The following PAFAH1B2 variants were observed in gnomAD, a reference collection of about 807,000 sequenced individuals.
PAFAH1B2 encodes the protein platelet activating factor acetylhydrolase 1b catalytic subunit 2.
In PAFAH1B2, 8 loss-of-function variants were observed where a neutral mutation model predicts 28.0. That is an observed-to-expected ratio of 0.29 (90% CI 0.17 to 0.52). The LOEUF is 0.52. Ranked by LOEUF, PAFAH1B2 falls within the 20% of genes least tolerant of loss-of-function variation. PAFAH1B2 has a pLI of 0.97. For synonymous variants in PAFAH1B2, 104 were observed against 103.2 expected, an observed-to-expected ratio of 1.01 and a Z score of -0.05; for missense variants, 190 against 282.6, an observed-to-expected ratio of 0.67 and a Z score of 2.35.
chr11:117,170,822 G>T lies in PAFAH1B2; in HGVS notation c.*3123G>T. The stretch of plus-strand genomic sequence containing the variant: ...GGAGCATGTCCAAGCTCCTAAATCC[G>T]TGTGGGTGCATGTGGGAGAAGTGAG... On this transcript the variant is annotated 3_prime_UTR_variant, in exon 6 of 6. Transcript: ENST00000527958. The T allele has an allele frequency of 9.4e-7, 1 of 1,059,696 alleles. No individual in the cohort carries two copies. Among genetic ancestry groups the T allele is most frequent in the Non-Finnish European group, 1.1e-6 (1 of 875,752 alleles). The allele number at this position is 1,059,696 out of a possible 1,614,324, so 65.6% of individuals were successfully genotyped here. A position where few individuals can be genotyped will look rare whatever the true frequency, so the allele number is the denominator to read the frequency against.
chr11:117,157,285 TGA>T (rs1025110604), intron 2 of PAFAH1B2, among the ~76,000 whole-genome samples: 1 of 148,418 alleles, frequency 6.7e-6, no homozygotes, highest in African/African-American at 2.5e-5. Flanking sequence ...AATAAATAAA[TGA>T]ATATATATAT....
In PAFAH1B2 at chr11:117,152,511, G is replaced by C; in HGVS notation, c.64G>C (p.Asp22His). The change falls in exon 2 of 6, where the codon GAC becomes CAC. Residue 22 changes from aspartate (D) to histidine (H), a missense_variant. Physicochemically the swap from Asp to His is moderately conservative, Grantham distance 81. Transcript: ENST00000527958. ...TGCAGCAGAAGATATTCAAGGAGAT[G>C]ACCGATGGATGTCTCAGGTAAAAGG... ...PHAAEDIQGDDRWMSQHNRFV... is the reference protein window; with the variant it reads ...PHAAEDIQGDHRWMSQHNRFV... 2 of 1,611,004 alleles carry C rather than the reference G, an allele frequency of 1.2e-6. No homozygotes were observed.
intron 4 of PAFAH1B2, among the ~76,000 whole-genome samples, chr11:117,161,965 C>T (rs1341400364): frequency 3.9e-5 from 6 of 152,016 alleles, no homozygotes; most frequent in Non-Finnish European, 5.9e-5. Context: ...ATAAACAGGT[C>T]AGTAATCGAG....
chr11:117,176,615 G>A (rs939433119), exon 6 of PAFAH1B2: 4 of 173,730 alleles, frequency 2.3e-5, no homozygotes, highest in East Asian at 1.0e-4. Flanking sequence ...AGTGGCTCAC[G>A]CCTGTAATCC....
In PAFAH1B2 at chr11:117,167,710, T is replaced by C. The variant is rs185651296; in HGVS notation, c.*11T>C. On this transcript the variant is annotated 3_prime_UTR_variant, in exon 6 of 6. Coordinates refer to ENST00000527958, the MANE Select transcript of PAFAH1B2 (RefSeq NM_002572.4). ...ACCACCATTGCCTGACTGGCTCTTA[T>C]CAGTGTTAATAGCATCTCAGCTTCC... is the stretch of plus-strand genomic sequence containing the variant. 2,427 of 1,527,894 alleles carry C rather than the reference T, an allele frequency of 1.6e-3. 4 individuals carry two copies. The highest frequency in any genetic ancestry group is 2.0e-3 in the Non-Finnish European group (2,240 of 1,131,296). The allele number at this position is 1,527,894 out of a possible 1,614,324, so 94.6% of individuals were successfully genotyped here. A position where few individuals can be genotyped will look rare whatever the true frequency, so the allele number is the denominator to read the frequency against.
At chr11:117,145,256 G>A (rs1186790835) in intron 1 of PAFAH1B2, among the ~76,000 whole-genome samples, 1 of 152,134 alleles carries the variant, frequency 6.6e-6, no homozygotes, top group African/African-American at 2.4e-5. Flanking sequence ...GACCCGTTGC[G>A]TGGTGACTCA....
exon 6 of PAFAH1B2, chr11:117,176,101 C>A (rs2029968384): frequency 9.3e-6 from 6 of 641,922 alleles, no homozygotes; most frequent in Non-Finnish European, 1.4e-5. Context: ...GACCAAGGTG[C>A]AAACTTGAGT....
intron 1 of PAFAH1B2, among the ~76,000 whole-genome samples, chr11:117,145,809 C>G (rs915520250): frequency 6.6e-6 from 1 of 152,168 alleles, no homozygotes; most frequent in African/African-American, 2.4e-5. Context: ...CATCTGTTTT[C>G]CTGGTTCAGA....
downstream of PAFAH1B2, among the ~76,000 whole-genome samples, chr11:117,174,539 C>T (rs1417797842): frequency 2.7e-5 from 4 of 145,724 alleles, no homozygotes; most frequent in South Asian, 2.2e-4. Flanking sequence ...CATGCAATGG[C>T]GTGATCTCAG....
intron 1 of PAFAH1B2, among the ~76,000 whole-genome samples, chr11:117,146,260 ATT>A (rs535608956): frequency 2.1e-5 from 3 of 141,272 alleles, no homozygotes; most frequent in African/African-American, 2.6e-5. Context: ...CTAATTTTGT[ATT>A]TTTTTTTTTT....
downstream of PAFAH1B2, among the ~76,000 whole-genome samples, chr11:117,174,164 TTGTGTGTGTGTGTGTG>T (rs55735449): frequency 8.1e-4 from 113 of 138,920 alleles, 1 homozygote; most frequent in Admixed American, 1.8e-3. Context: ...TTCATGTCTT[TTGTGTGTGTGTGTGTG>T]TGTGTGTGTG....
downstream of PAFAH1B2, among the ~76,000 whole-genome samples, chr11:117,177,507 A>G (rs2030050617): frequency 6.6e-6 from 1 of 152,152 alleles, no homozygotes. Flanking sequence ...GCATGTCTAT[A>G]TGCATTTGGA....
intron 4 of PAFAH1B2, among the ~76,000 whole-genome samples, chr11:117,163,187 C>CTGGCTGAGTGTGG (rs71037468): frequency 0.75 from 113,732 of 151,740 alleles, 43,302 homozygotes; most frequent in Non-Finnish European, 0.82. Flanking sequence ...GATTTCTGCC[C>CTGGCTGAGTGTGG]TGGCTCAACA....
Position 117,163,758 on chromosome 11 carries a change from C to G in PAFAH1B2, c.289-12C>G, listed in dbSNP as rs778569790. 3 of 1,599,044 alleles carry G rather than the reference C, an allele frequency of 1.9e-6. No homozygotes were observed. Among genetic ancestry groups the G allele is most frequent in the Non-Finnish European group, 2.6e-6 (3 of 1,174,360 alleles). ...TTATCTTCTCCTTCCCCCCTTTTTTCTTCAATTGCAGGTCATTGTTGTCTG... is the reference window on the plus strand; with the variant it reads ...TTATCTTCTCCTTCCCCCCTTTTTTGTTCAATTGCAGGTCATTGTTGTCTG... On this transcript the variant is annotated splice_polypyrimidine_tract_variant and intron_variant, in intron 4 of 5. Coordinates refer to ENST00000527958, the MANE Select transcript of PAFAH1B2 (RefSeq NM_002572.4).
At chr11:117,167,085 G>A (rs1956528864) in intron 5 of PAFAH1B2, among the ~76,000 whole-genome samples, 1 of 152,150 alleles carries the variant, frequency 6.6e-6, no homozygotes, top group Admixed American at 6.5e-5. Flanking sequence ...TCAGTTGGGA[G>A]TGCCTTGGGA....
intron 5 of PAFAH1B2, 142 bp downstream of exon 5, chr11:117,164,034 T>G: frequency 1.3e-6 from 1 of 784,850 alleles, no homozygotes; most frequent in South Asian, 1.7e-5. Context: ...TTCTTTAATG[T>G]ATTTTACTGT....
At chr11:117,165,055 A>G (rs2134209647) in intron 5 of PAFAH1B2, among the ~76,000 whole-genome samples, 1 of 144,702 alleles carries the variant, frequency 6.9e-6, no homozygotes, top group South Asian at 2.2e-4. Flanking sequence ...TCCCAGGTTC[A>G]CACCATTCTC....
chr11:117,145,541 CACATTG>C (rs1388549606), intron 1 of PAFAH1B2, among the ~76,000 whole-genome samples: 1 of 152,138 alleles, frequency 6.6e-6, no homozygotes, highest in East Asian at 1.9e-4. Flanking sequence ...TTCTTCTGGG[CACATTG>C]TTCTGACATA....
downstream of PAFAH1B2, among the ~76,000 whole-genome samples, chr11:117,172,373 TATATATATATATATATATATATA>T (rs1956675209): frequency 5.4e-3 from 27 of 5,020 alleles, 1 homozygote; most frequent in African/African-American, 0.011. Context: ...TATATATATA[TATATATATATATATATATATATA>T]TATATATATT....
Sources: gnomAD v4.1 joint callset for allele counts (sites outside exome capture counted in the v4.1 genomes callset) on GRCh38, gnomAD v4.1.1 for gene constraint, MANE v1.5 for transcripts, NCBI Gene and HGNC (gene_info 2026-07-23, HGNC 2026-07-21) for gene names.